The following TNNI3K variants were observed in gnomAD, a reference collection of about 807,000 sequenced individuals.
The protein encoded by TNNI3K is TNNI3 interacting kinase.
TNNI3K carries 140 observed loss-of-function variants against 114.5 expected under a neutral mutation model. The observed-to-expected ratio is 1.22, with a 90% CI of 1.07 to 1.41. The LOEUF is 1.41. TNNI3K is among the 40% of genes most tolerant of loss of function. The pLI is 0.00. For missense variants in TNNI3K, 1,125 were observed against 1,007.6 expected (o/e 1.12, Z -1.58); for synonymous variants, 347 against 347.5 (o/e 1.00, Z 0.02).
chr1:74,354,812 T>G (rs1326305008), intron 11 of TNNI3K, among the ~76,000 whole-genome samples: 1 of 152,202 alleles, frequency 6.6e-6, no homozygotes, highest in Non-Finnish European at 1.5e-5. Flanking sequence ...GCAAATTGCT[T>G]AGAACAGTGG....
chr1:74,314,721 A>G (rs1210850334), intron 5 of TNNI3K, among the ~76,000 whole-genome samples: 1 of 152,168 alleles, frequency 6.6e-6, no homozygotes, highest in Non-Finnish European at 1.5e-5. Context: ...ATAAAATGAA[A>G]TGCTGATAGT....
intron 23 of TNNI3K, among the ~76,000 whole-genome samples, chr1:74,522,957 A>C (rs1193766292): frequency 1.3e-5 from 2 of 152,206 alleles, no homozygotes; most frequent in Non-Finnish European, 2.9e-5. Flanking sequence ...GCCCACTGGA[A>C]ATTGAAGAAT....
At chr1:74,258,567 TTC>T (rs1318677298) in intron 4 of TNNI3K, among the ~76,000 whole-genome samples, 1 of 152,228 alleles carries the variant, frequency 6.6e-6, no homozygotes, top group African/African-American at 2.4e-5. Flanking sequence ...ATATAAGTTG[TTC>T]TGTCATGCCC....
intron 4 of TNNI3K, among the ~76,000 whole-genome samples, chr1:74,261,165 C>T (rs1236193490): frequency 2.0e-5 from 3 of 151,772 alleles, no homozygotes; most frequent in East Asian, 1.9e-4. Context: ...CTGCCAATTT[C>T]GTCTATTCAG....
chr1:74,264,660 G>C (rs878922868), intron 4 of TNNI3K, among the ~76,000 whole-genome samples: 2 of 151,932 alleles, frequency 1.3e-5, no homozygotes, highest in Non-Finnish European at 2.9e-5. Context: ...AGTTTGGTAT[G>C]ACACTTCAGG....
At chr1:74,469,546 C>G (rs1338508467) in intron 21 of TNNI3K, 1 of 188,896 alleles carries the variant, frequency 5.3e-6, no homozygotes, top group African/African-American at 2.4e-5. Flanking sequence ...TGCTCAAATA[C>G]TCTTCTTATG....
At chr1:74,269,698 A>G (rs911511107) in intron 4 of TNNI3K, among the ~76,000 whole-genome samples, 1 of 151,924 alleles carries the variant, frequency 6.6e-6, no homozygotes, top group African/African-American at 2.4e-5. Flanking sequence ...TGGGAAAATT[A>G]TAAACGATAA....
intron 10 of TNNI3K, 24 bp downstream of exon 10, chr1:74,353,384 C>G (rs1661484313): frequency 6.2e-7 from 1 of 1,610,446 alleles, no homozygotes; most frequent in Non-Finnish European, 8.5e-7. Context: ...GAAAACACCA[C>G]TAGTTCTATA....
chr1:74,298,509 G>T (rs1487147065), intron 5 of TNNI3K, among the ~76,000 whole-genome samples: 2 of 152,006 alleles, frequency 1.3e-5, no homozygotes, highest in Admixed American at 6.6e-5. Context: ...CTGATCTTTT[G>T]GTCACTCAAA....
intron 17 of TNNI3K, among the ~76,000 whole-genome samples, chr1:74,390,894 T>A (rs1340319284): frequency 1.3e-5 from 2 of 149,770 alleles, no homozygotes; most frequent in East Asian, 3.9e-4. Context: ...GGTGGGAGGT[T>A]ATCCCAGAGA....
intron 2 of TNNI3K, among the ~76,000 whole-genome samples, chr1:74,239,027 A>T (rs963306874): frequency 2.6e-5 from 4 of 152,170 alleles, no homozygotes; most frequent in African/African-American, 9.6e-5. Context: ...TTTGAAAACT[A>T]TACTTCTAGA....
At chr1:74,420,478 C>T (rs1665342071) in intron 17 of TNNI3K, among the ~76,000 whole-genome samples, 1 of 152,112 alleles carries the variant, frequency 6.6e-6, no homozygotes, top group Non-Finnish European at 1.5e-5. Context: ...CTTCAAAGTG[C>T]TTCTCTGGCC....
intron 23 of TNNI3K, among the ~76,000 whole-genome samples, chr1:74,513,887 T>G (rs1276814295): frequency 6.6e-6 from 1 of 152,178 alleles, no homozygotes; most frequent in African/African-American, 2.4e-5. Flanking sequence ...CACAACCGCA[T>G]CTGCAAAGCT....
chr1:74,543,837 T>C lies in TNNI3K; in HGVS notation c.2432-69T>C, dbSNP rs561684985. ...TCTGGAAGACCTGCCTGGTTCAGGC[T>C]GGTTATAAAAAATTGGGGGATGTAC... On this transcript the variant is annotated intron_variant, in intron 24 of 24. Transcript: ENST00000326637. The C allele has an allele frequency of 1.9e-6, 3 of 1,579,074 alleles. No homozygotes were observed. The African/African-American group carries it at 4.0e-5, about 21-fold the overall frequency.
intron 11 of TNNI3K, among the ~76,000 whole-genome samples, chr1:74,359,510 G>A (rs963090773): frequency 6.6e-6 from 1 of 151,870 alleles, no homozygotes; most frequent in African/African-American, 2.4e-5. Context: ...ATAAAAGTGT[G>A]TGTTGTTTTG....
At position 74,464,188 on chromosome 1, in the gene TNNI3K, G is replaced by A. The variant is rs1211142664; in HGVS notation, c.2121+638G>A. On this transcript the variant is annotated intron_variant, in intron 21 of 24. Coordinates refer to ENST00000326637, the MANE Select transcript of TNNI3K (RefSeq NM_015978.3). ...TCCAAACAATCCGCCTGCAAGAAGG[G>A]ATTCTTAAGTGTGCAGACGGGTTAT... 2.0e-5 allele frequency among the ~76,000 whole-genome samples: 3 copies of A among 152,352 alleles called. No homozygotes were observed. In the East Asian group the frequency reaches 5.8e-4, roughly 29 times the overall value.
intron 2 of TNNI3K, among the ~76,000 whole-genome samples, chr1:74,239,308 A>G (rs576938565): frequency 4.2e-4 from 64 of 152,176 alleles, no homozygotes; most frequent in Non-Finnish European, 9.0e-4. Flanking sequence ...AAAGAAAAGA[A>G]TAGTGTGCTG....
intron 20 of TNNI3K, 57 bp from the exon 21 acceptor site, chr1:74,463,384 T>C: frequency 1.9e-6 from 3 of 1,580,746 alleles, no homozygotes; most frequent in Non-Finnish European, 2.6e-6. Context: ...GTGTCTTCAT[T>C]TGTTGCTTGA....
In TNNI3K at chr1:74,540,269, A is replaced by C; in HGVS notation, c.2387A>C (p.Glu796Ala). The C allele has an allele frequency of 6.2e-7, 1 of 1,612,638 alleles. No individual in the cohort carries two copies. Among genetic ancestry groups the C allele is most frequent in the Non-Finnish European group, 8.5e-7 (1 of 1,179,180 alleles). Reference sequence around the variant, plus strand: ...TATTCCTCTCAAGGTCTGTCTTTGGAGGAGATGAAAAGAAGTCTTCAATAC... The same window carrying C: ...TATTCCTCTCAAGGTCTGTCTTTGGCGGAGATGAAAAGAAGTCTTCAATAC... ...GQYSSQGLSL[E>A]EMKRSLQYTP... The change falls in exon 24 of 25, where the codon GAG becomes GCG. Residue 796 changes from glutamate (E) to alanine (A), a missense_variant. Transcript: ENST00000326637.
Sources: gnomAD v4.1 joint callset for allele counts (sites outside exome capture counted in the v4.1 genomes callset) on GRCh38, gnomAD v4.1.1 for gene constraint, MANE v1.5 for transcripts, NCBI Gene and HGNC (gene_info 2026-07-23, HGNC 2026-07-21) for gene names.